The following ZNF529 variants were observed in gnomAD, a reference collection of about 807,000 sequenced individuals.
The protein encoded by ZNF529 is zinc finger protein 529.
A neutral mutation model predicts 10.1 loss-of-function variants in ZNF529; 11 were observed. The observed-to-expected ratio is 1.09, with a 90% CI of 0.69 to 1.81. The LOEUF is 1.81. Among genes scored for constraint, ZNF529 ranks in the 40% most tolerant of loss-of-function variants. The pLI is 0.00. For missense variants in ZNF529, 624 were observed against 666.8 expected (o/e 0.94, Z 0.71); for synonymous variants, 204 against 215.7 (o/e 0.95, Z 0.47).
chr19:36,586,763 T>G (rs1367355064), intron 2 of ZNF529, among the ~76,000 whole-genome samples: 1 of 152,256 alleles, frequency 6.6e-6, no homozygotes, highest in Admixed American at 6.5e-5. Context: ...TTTGCTTATT[T>G]GTATTATTTG....
chr19:36,576,991 C>T (rs2036336900), upstream of ZNF529: 18 of 200,576 alleles, frequency 9.0e-5, no homozygotes, highest in South Asian at 4.5e-4. Context: ...GGGTCTTTGT[C>T]ACCCAGGCTG....
At chr19:36,565,997 T>C (rs1349594691) in intron 2 of ZNF529, among the ~76,000 whole-genome samples, 1 of 152,224 alleles carries the variant, frequency 6.6e-6, no homozygotes, top group East Asian at 1.9e-4. Context: ...TTTGTTTGTT[T>C]GAGACAGGGT....
At chr19:36,561,870 T>C (rs2035711182) in intron 2 of ZNF529, among the ~76,000 whole-genome samples, 1 of 152,248 alleles carries the variant, frequency 6.6e-6, no homozygotes, top group East Asian at 1.9e-4. Flanking sequence ...TTATTGTTGT[T>C]TGCCCTGTTC....
chr19:36,591,724 CA>C (rs57735431), intron 1 of ZNF529, among the ~76,000 whole-genome samples: 26 of 142,688 alleles, frequency 1.8e-4, no homozygotes, highest in East Asian at 4.1e-4. Flanking sequence ...AACTCCATCT[CA>C]AAAAAAAAAA....
At chr19:36,557,306 C>G (rs2035514987) in intron 2 of ZNF529, among the ~76,000 whole-genome samples, 1 of 152,238 alleles carries the variant, frequency 6.6e-6, no homozygotes, top group South Asian at 2.1e-4. Context: ...TAAAATAATC[C>G]AGAGAGTCCA....
Position 36,554,698 on chromosome 19 carries a change from C to T in ZNF529, c.207G>A (p.Met69Ile). Reference protein sequence around the residue: ...AQRNLYWDVMMENYSNLLSLD... With the variant: ...AQRNLYWDVMIENYSNLLSLD... The stretch of plus-strand genomic sequence containing the variant: ...GTGAGAGTAAGTTGCTGTAGTTCTC[C>T]ATCATCACATCCCAGTACAAGTTCC... Residue 69 changes from methionine to isoleucine, a missense_variant, in exon 4 of 5, where the codon ATG (methionine) becomes ATA (isoleucine). Coordinates refer to ENST00000591340, the MANE Select transcript of ZNF529 (RefSeq NM_020951.5). 6.4e-7 allele frequency: 1 copy of T among 1,569,030 alleles called. No homozygotes were observed. Among genetic ancestry groups the T allele is most frequent in the East Asian group, 2.3e-5 (1 of 43,002 alleles).
chr19:36,547,507 A>G lies in ZNF529; in HGVS notation c.1051T>C (p.Ser351Pro), dbSNP rs1326457410. The change falls in exon 5 of 5, where the codon TCA becomes CCA. Residue 351 changes from serine (S) to proline (P), a missense_variant. Physicochemically the swap from Ser to Pro is moderately conservative, Grantham distance 74 (BLOSUM62 -1). Transcript: ENST00000591340. Reference protein sequence around the residue: ...MHCEKVFRISSQLIEHQRIHT... With the variant: ...MHCEKVFRISPQLIEHQRIHT... ...ATTCTCTGATGTTCAATGAGCTGTG[A>G]ACTAATTCTAAAAACCTTCTCACAG... is the stretch of plus-strand genomic sequence containing the variant. 1.2e-6 allele frequency: 2 copies of G among 1,613,256 alleles called. No individual in the cohort carries two copies.
At chr19:36,592,284 C>CAA (rs35717465) in intron 1 of ZNF529, among the ~76,000 whole-genome samples, 613 of 49,552 alleles carry the variant, frequency 0.012, 19 homozygotes, top group Middle Eastern at 0.036. Flanking sequence ...GACTTTGTCT[C>CAA]AAAAAAAAAA....
intron 2 of ZNF529, among the ~76,000 whole-genome samples, chr19:36,570,259 A>G (rs950194380): frequency 1.3e-5 from 2 of 150,010 alleles, no homozygotes; most frequent in Non-Finnish European, 3.0e-5. Context: ...TACTTGGGAG[A>G]CTGAGGTGGG....
At chr19:36,604,865 A>ACCTGCTGTGCACACACACCC (rs1222588046) in intron 1 of ZNF529, 11 of 151,970 alleles carry the variant, frequency 7.2e-5, no homozygotes, top group African/African-American at 2.7e-4. Flanking sequence ...CGGGCTGTGC[A>ACCTGCTGTGCACACACACCC]CCTGCTGTGC....
In ZNF529 at chr19:36,544,435, T is replaced by C. The variant is rs2034939928; in HGVS notation, c.*2431A>G. 2 of 152,192 alleles carry C rather than the reference T, an allele frequency of 1.3e-5. No homozygotes were observed. Among genetic ancestry groups the C allele is most frequent in the African/African-American group, 4.8e-5 (2 of 41,440 alleles). 9.4% of individuals were successfully genotyped at this position (152,192 alleles called of 1,614,324 possible). ...AATGTCTGTATACAAGGTTTAGATA[T>C]TTAGTTTTAATTTGTTTAAGCTGGA... On this transcript the variant is annotated 3_prime_UTR_variant, in exon 5 of 5. Coordinates refer to ENST00000591340, the MANE Select transcript of ZNF529 (RefSeq NM_020951.5).
At chr19:36,551,078 G>A (rs1024108838) in intron 4 of ZNF529, among the ~76,000 whole-genome samples, 1 of 152,170 alleles carries the variant, frequency 6.6e-6, no homozygotes, top group African/African-American at 2.4e-5. Context: ...GGTATGAGAT[G>A]TAACCTGTAA....
chr19:36,602,935 G>GAA (rs36003869), intron 1 of ZNF529, among the ~76,000 whole-genome samples: 8,240 of 136,228 alleles, frequency 0.06, 282 homozygotes, highest in African/African-American at 0.075. Context: ...CGTCTCAAAA[G>GAA]AAAAAAAAAA....
At chr19:36,592,802 C>G (rs1270303052) in intron 1 of ZNF529, among the ~76,000 whole-genome samples, 1 of 151,944 alleles carries the variant, frequency 6.6e-6, no homozygotes, top group Non-Finnish European at 1.5e-5. Context: ...TTGTTTTCTG[C>G]TTAACAGTTT....
intron 1 of ZNF529, among the ~76,000 whole-genome samples, chr19:36,596,547 T>A (rs912469288): frequency 6.6e-6 from 1 of 152,028 alleles, no homozygotes; most frequent in Non-Finnish European, 1.5e-5. Context: ...AGATGGAGTC[T>A]CACTCTGTCA....
intron 1 of ZNF529, among the ~76,000 whole-genome samples, chr19:36,597,165 C>T (rs2036854538): frequency 6.6e-6 from 1 of 152,116 alleles, no homozygotes; most frequent in Non-Finnish European, 1.5e-5. Flanking sequence ...CAACTGTGCC[C>T]AGCCAATAGT....
rs1370866424 is a variant in ZNF529, at chr19:36,543,850, T to A, written c.*3016A>T. On this transcript the variant is annotated 3_prime_UTR_variant, in exon 5 of 5. Coordinates refer to ENST00000591340, the MANE Select transcript of ZNF529 (RefSeq NM_020951.5). Reference sequence around the variant, plus strand: ...TGCCCTATGTCCAAATACAATCACATTGCAGGTTAAGGGGTGAATTCTGGC... The same window carrying A: ...TGCCCTATGTCCAAATACAATCACAATGCAGGTTAAGGGGTGAATTCTGGC... The A allele has an allele frequency of 1.3e-5, 2 of 151,998 alleles. No individual in the cohort carries two copies. Among genetic ancestry groups the A allele is most frequent in the African/African-American group, 2.4e-5 (1 of 41,388 alleles). 9.4% of individuals were successfully genotyped at this position (151,998 alleles called of 1,614,324 possible).
intron 2 of ZNF529, among the ~76,000 whole-genome samples, chr19:36,559,658 C>T (rs2912402): frequency 0.34 from 50,909 of 151,928 alleles, 9,010 homozygotes; most frequent in African/African-American, 0.46. Flanking sequence ...CTGCATTATT[C>T]ATAATAACCA....
At chr19:36,571,980 C>T (rs1012221077) in intron 2 of ZNF529, among the ~76,000 whole-genome samples, 1 of 150,014 alleles carries the variant, frequency 6.7e-6, no homozygotes, top group African/African-American at 2.5e-5. Flanking sequence ...TGATTAATAC[C>T]TACCATCTCC....
Sources: allele counts gnomAD v4.1 joint callset (sites outside exome capture counted in the v4.1 genomes callset), GRCh38; gene constraint gnomAD v4.1.1; transcripts MANE v1.5; gene names NCBI Gene and HGNC (gene_info 2026-07-23, HGNC 2026-07-21).